The following CAMTA1 variants were observed in gnomAD, a reference collection of about 807,000 sequenced individuals.
CAMTA1 encodes the protein calmodulin binding transcription activator 1.
Under a neutral mutation model 170.9 loss-of-function variants are expected in CAMTA1, and 27 were observed. That is an observed-to-expected ratio of 0.16 (90% confidence interval 0.12 to 0.22). The LOEUF (loss-of-function observed/expected upper bound fraction) is 0.22, where lower values mean the gene tolerates loss of function less well. Among genes scored for constraint, CAMTA1 ranks in the 10% least tolerant of loss-of-function variants. The probability of loss-of-function intolerance (pLI) is 1.00; values close to 1 mark genes in which losing one functional copy is unlikely to be tolerated. For synonymous variants in CAMTA1, 833 were observed against 891.5 expected, an observed-to-expected ratio of 0.93 and a Z score of 1.17; for missense variants, 1,619 against 2,217.2, an observed-to-expected ratio of 0.73 and a Z score of 5.42.
intron 3 of CAMTA1, among the ~76,000 whole-genome samples, chr1:6,981,641 G>T (rs957092180): frequency 2.6e-4 from 40 of 152,130 alleles, no homozygotes; most frequent in African/African-American, 8.7e-4. Context: ...CTATTATGTT[G>T]CCTAGGGTGG....
intron 4 of CAMTA1, among the ~76,000 whole-genome samples, chr1:7,204,851 G>GTTTTT (rs1657425831): frequency 8.8e-6 from 1 of 113,198 alleles, no homozygotes; most frequent in Non-Finnish European, 1.7e-5. Context: ...TTTTTTTGAG[G>GTTTTT]CAGAGTCTTG....
chr1:7,525,969 G>A (rs1160993164), intron 6 of CAMTA1, among the ~76,000 whole-genome samples: 1 of 152,134 alleles, frequency 6.6e-6, no homozygotes, highest in Non-Finnish European at 1.5e-5. Context: ...GGACCAGGGT[G>A]AGGCACTGGC....
rs60739359 is a variant in CAMTA1, at chr1:7,333,422, G to A, written c.438+83796G>A. ...GGCACGCCTTCCTGCAAGGTCACAG[G>A]TGGAACAGGTGGAGAGAACACACCG... On this transcript the variant is annotated intron_variant, in intron 5 of 22. Transcript: ENST00000303635. This position sits in a 1 kb window ranked among gnomAD's most constrained non-coding sequence, Gnocchi z 4.4. Among the ~76,000 whole-genome samples, 1,184 of 152,292 alleles carry A rather than the reference G, an allele frequency of 7.8e-3. 11 individuals are homozygous for A. Among genetic ancestry groups the A allele is most frequent in the African/African-American group, 0.027 (1,126 of 41,546 alleles).
At chr1:7,699,289 T>TC (rs892397273) in intron 11 of CAMTA1, among the ~76,000 whole-genome samples, 7 of 151,692 alleles carry the variant, frequency 4.6e-5, no homozygotes, top group East Asian at 1.9e-4. Flanking sequence ...CCTCCTCAGC[T>TC]CCCCCCCACC....
chr1:6,929,361 T>G (rs895161818), intron 3 of CAMTA1, among the ~76,000 whole-genome samples: 1 of 149,234 alleles, frequency 6.7e-6, no homozygotes, highest in African/African-American at 2.5e-5. Flanking sequence ...TTTTTTTTTG[T>G]TTGTTTGTTT....
At chr1:6,884,108 A>C (rs148011428) in intron 3 of CAMTA1, among the ~76,000 whole-genome samples, 1 of 152,204 alleles carries the variant, frequency 6.6e-6, no homozygotes, top group East Asian at 1.9e-4. Context: ...GTTTAAAGGA[A>C]CAAGGAGGTC....
rs1337250889 is a variant in CAMTA1 at position 7,680,917 on chromosome 1, C to T, written c.2914+3184C>T. On this transcript the variant is annotated intron_variant, in intron 11 of 22. Transcript: ENST00000303635. The surrounding 1 kb of genome is among the most constrained non-coding windows in gnomAD (Gnocchi z 4.4). ...CGAAGTCTTTGTCCCCGCGGCGCAG[C>T]CTTTGTCCCCGCGGCGTAGCTTTTG... Among the ~76,000 whole-genome samples, 13 of 143,706 alleles carry T rather than the reference C, an allele frequency of 9.0e-5. No individual in the cohort carries two copies. The highest frequency in any genetic ancestry group is 1.9e-4 in the Non-Finnish European group (12 of 63,646). The allele number at this position is 143,706 out of a possible 152,430, so 94.3% of individuals were successfully genotyped here.
At chr1:6,914,035 A>G (rs895074887) in intron 3 of CAMTA1, among the ~76,000 whole-genome samples, 1 of 151,972 alleles carries the variant, frequency 6.6e-6, no homozygotes, top group Non-Finnish European at 1.5e-5. Flanking sequence ...ACCTATTTCT[A>G]AGATGATCCA....
chr1:7,700,233 C>T (rs1427461460), intron 11 of CAMTA1, among the ~76,000 whole-genome samples: 1 of 152,092 alleles, frequency 6.6e-6, no homozygotes, highest in South Asian at 2.1e-4. Flanking sequence ...CAACTTCATT[C>T]TTTTTCATGT....
intron 4 of CAMTA1, among the ~76,000 whole-genome samples, chr1:7,221,395 C>T (rs936217370): frequency 8.5e-5 from 13 of 152,260 alleles, no homozygotes; most frequent in Admixed American, 7.8e-4. Flanking sequence ...GTCTTGCCTT[C>T]GGGGGCTTTC....
chr1:7,357,775 G>T (rs1242834113), intron 5 of CAMTA1, among the ~76,000 whole-genome samples: 2 of 152,176 alleles, frequency 1.3e-5, no homozygotes, highest in Non-Finnish European at 2.9e-5. Flanking sequence ...ACCTTTCCAT[G>T]GGGCCTGCTC....
At chr1:7,062,610 G>C (rs990971514) in intron 3 of CAMTA1, among the ~76,000 whole-genome samples, 6 of 152,120 alleles carry the variant, frequency 3.9e-5, no homozygotes, top group Non-Finnish European at 7.4e-5. Flanking sequence ...GGGGAGCCGT[G>C]GGCCCGGGTG....
chr1:7,674,643 G>A lies in CAMTA1; in HGVS notation c.2780-2956G>A, dbSNP rs2096095556. Among the ~76,000 whole-genome samples the A allele has an allele frequency of 6.6e-6, 1 of 152,130 alleles. No homozygotes were observed. Among genetic ancestry groups the A allele is most frequent in the African/African-American group, 2.4e-5 (1 of 41,432 alleles). On this transcript the variant is annotated intron_variant, in intron 10 of 22. Transcript: ENST00000303635. This position sits in a 1 kb window ranked among gnomAD's most constrained non-coding sequence, Gnocchi z 4.1. Reference sequence around the variant, plus strand: ...AAAATACAAAAATTAGCTGGGCGTGGTGGCAGGCACCTGTAAGCTAGTAGG... The same window carrying A: ...AAAATACAAAAATTAGCTGGGCGTGATGGCAGGCACCTGTAAGCTAGTAGG...
intron 5 of CAMTA1, among the ~76,000 whole-genome samples, chr1:7,409,164 T>C (rs1292806914): frequency 1.3e-5 from 2 of 152,192 alleles, no homozygotes; most frequent in Non-Finnish European, 2.9e-5. Flanking sequence ...AGAAGAAAAC[T>C]GGGTCCACCT....
chr1:7,504,028 C>T (rs1442342028), intron 6 of CAMTA1, among the ~76,000 whole-genome samples: 1 of 152,176 alleles, frequency 6.6e-6, no homozygotes, highest in Non-Finnish European at 1.5e-5. Flanking sequence ...GAGGGGCCTC[C>T]CGGGCAGGAG....
intron 7 of CAMTA1, among the ~76,000 whole-genome samples, chr1:7,653,796 G>A (rs1451166848): frequency 1.3e-5 from 2 of 152,154 alleles, no homozygotes; most frequent in East Asian, 3.9e-4. Flanking sequence ...CTATGTGCCA[G>A]GCATTGTTCT....
chr1:7,467,931 G>A (rs775642479), intron 6 of CAMTA1, 30 bp downstream of exon 6: 2 of 1,588,410 alleles, frequency 1.3e-6, no homozygotes, highest in South Asian at 2.2e-5. Flanking sequence ...TTCTTCTTCT[G>A]TCTCTGGTGC....
At chr1:7,019,215 T>C (rs1203557100) in intron 3 of CAMTA1, among the ~76,000 whole-genome samples, 1 of 152,250 alleles carries the variant, frequency 6.6e-6, no homozygotes, top group Non-Finnish European at 1.5e-5. Context: ...TCGGGTTCTC[T>C]GACCAGCATG....
intron 6 of CAMTA1, among the ~76,000 whole-genome samples, chr1:7,615,551 C>T (rs986174580): frequency 1.3e-5 from 2 of 152,208 alleles, no homozygotes; most frequent in African/African-American, 2.4e-5. Flanking sequence ...GGGTACAGCA[C>T]GCTTCTTGAT....
Sources: gnomAD v4.1 joint callset for allele counts (sites outside exome capture counted in the v4.1 genomes callset) on GRCh38, gnomAD v4.1.1 for gene constraint, Gnocchi (gnomAD v3.1) non-coding constraint, MANE v1.5 for transcripts, NCBI Gene and HGNC (gene_info 2026-07-23, HGNC 2026-07-21) for gene names.